The following SOHLH2 variants were observed in gnomAD, a reference collection of about 807,000 sequenced individuals.
SOHLH2 encodes spermatogenesis and oogenesis specific basic helix-loop-helix 2, also known as spermatogenesis- and oogenesis-specific basic helix-loop-helix-containing protein 2.
A neutral mutation model predicts 50.4 loss-of-function variants in SOHLH2; 22 were observed. That is an observed-to-expected ratio of 0.44 (90% CI 0.31 to 0.62). The LOEUF (loss-of-function observed/expected upper bound fraction) is 0.62. SOHLH2 is among the 20% of genes least tolerant of loss of function. SOHLH2 has a pLI of 0.08. For missense variants in SOHLH2, 412 were observed against 504.4 expected, an observed-to-expected ratio of 0.82 and a Z score of 1.76; for synonymous variants, 185 against 187.3, an observed-to-expected ratio of 0.99 and a Z score of 0.10.
At position 36,174,549 on chromosome 13, in the gene SOHLH2, T is replaced by C; in HGVS notation, c.808A>G (p.Ser270Gly). The C allele has an allele frequency of 6.2e-7, 1 of 1,614,204 alleles. No individual in the cohort carries two copies. The highest frequency in any genetic ancestry group is 8.5e-7 in the Non-Finnish European group (1 of 1,180,050). Residue 270 changes from serine (S) to glycine (G), a missense_variant, in exon 8 of 11, where the codon AGC becomes GGC. Ser to Gly is a moderately conservative substitution (Grantham distance 56). Transcript: ENST00000379881. ...VMAQITEALQ[S>G]NMRFCKKQQT... is the part of the protein sequence containing the mutation. ...TGTTTCTTACAAAACCTCATGTTGC[T>C]CTGAAGTGCTTCTGTAATCTAAAAA... is the stretch of plus-strand genomic sequence containing the variant.
intron 6 of SOHLH2, among the ~76,000 whole-genome samples, chr13:36,175,113 G>A (rs1006455650): frequency 3.3e-5 from 5 of 152,350 alleles, no homozygotes; most frequent in East Asian, 1.9e-4. Context: ...TGCACTGTGT[G>A]TGCCGATGGC....
chr13:36,172,094 AACCT>A (rs754589768), intron 9 of SOHLH2, among the ~76,000 whole-genome samples: 1 of 152,154 alleles, frequency 6.6e-6, no homozygotes, highest in Non-Finnish European at 1.5e-5. Context: ...CTAGGGTTTG[AACCT>A]ACCACAGGTC....
intron 1 of SOHLH2, among the ~76,000 whole-genome samples, chr13:36,210,121 G>C (rs9575573): frequency 6.6e-6 from 1 of 152,102 alleles, no homozygotes; most frequent in Non-Finnish European, 1.5e-5. Flanking sequence ...ATTTTCTTTA[G>C]AGAATAGTTC....
intron 5 of SOHLH2, among the ~76,000 whole-genome samples, chr13:36,191,417 G>A (rs544706580): frequency 1.7e-4 from 26 of 152,302 alleles, no homozygotes; most frequent in African/African-American, 5.3e-4. Context: ...GTGTATAACA[G>A]GTGAGGCTGC....
At chr13:36,171,920 T>C (rs781294531) in intron 9 of SOHLH2, among the ~76,000 whole-genome samples, 3 of 152,162 alleles carry the variant, frequency 2.0e-5, no homozygotes, top group Non-Finnish European at 4.4e-5. Context: ...ATTACTACTA[T>C]AGAAAAATAT....
rs558251744 is a variant in SOHLH2, at chr13:36,174,223, A to G, written c.881+253T>C. The stretch of plus-strand genomic sequence containing the variant: ...CTACACTCACAAGGGAGAAAGCCCC[A>G]TTTTAAGAACCTCAGAAATAATGAA... On this transcript the variant is annotated intron_variant, in intron 8 of 10. Coordinates refer to ENST00000379881, the MANE Select transcript of SOHLH2 (RefSeq NM_017826.3). 4.6e-5 allele frequency among the ~76,000 whole-genome samples: 7 copies of G among 152,332 alleles called. No homozygotes were observed. The East Asian group carries it at 1.4e-3, about 29-fold the overall frequency.
chr13:36,190,116 A>C, intron 5 of SOHLH2, 60 bp from the exon 6 acceptor site: 1 of 1,512,024 alleles, frequency 6.6e-7, no homozygotes, highest in Non-Finnish European at 9.0e-7. Flanking sequence ...GCAAAATTAA[A>C]TAATACGCAC....
chr13:36,185,618 T>G (rs1001521908), intron 6 of SOHLH2, among the ~76,000 whole-genome samples: 1 of 152,080 alleles, frequency 6.6e-6, no homozygotes, highest in Non-Finnish European at 1.5e-5. Flanking sequence ...TGACAAACCT[T>G]TTTTTGCTAG....
At chr13:36,205,583 T>C (rs948361466) in intron 1 of SOHLH2, among the ~76,000 whole-genome samples, 2 of 152,148 alleles carry the variant, frequency 1.3e-5, no homozygotes, top group African/African-American at 4.8e-5. Flanking sequence ...CATCACAGTA[T>C]TGCTGGGATA....
At chr13:36,173,944 G>A in intron 8 of SOHLH2, 134 bp from the exon 9 acceptor site, 3 of 1,005,166 alleles carry the variant, frequency 3.0e-6, no homozygotes, top group Non-Finnish European at 4.4e-6. Flanking sequence ...ATTTACATAT[G>A]AGCAAAGACA....
chr13:36,196,631 A>AT (rs1887740880), intron 2 of SOHLH2, among the ~76,000 whole-genome samples: 6 of 152,202 alleles, frequency 3.9e-5, no homozygotes, highest in Admixed American at 2.6e-4. Context: ...CAGTTAAATG[A>AT]TTTTTTAAAA....
chr13:36,209,271 CCTG>C (rs1232736465), intron 1 of SOHLH2, among the ~76,000 whole-genome samples: 2 of 151,666 alleles, frequency 1.3e-5, no homozygotes, highest in African/African-American at 2.4e-5. Flanking sequence ...TTTTTCATAA[CCTG>C]CTATTTTTAG....
At chr13:36,205,517 T>A (rs949209257) in intron 1 of SOHLH2, among the ~76,000 whole-genome samples, 7 of 152,224 alleles carry the variant, frequency 4.6e-5, no homozygotes, top group African/African-American at 1.4e-4. Flanking sequence ...GATTTTTTTT[T>A]AATTCTTTGA....
chr13:36,207,639 A>AT (rs1868858401), intron 1 of SOHLH2, among the ~76,000 whole-genome samples: 1 of 152,128 alleles, frequency 6.6e-6, no homozygotes, highest in Non-Finnish European at 1.5e-5. Flanking sequence ...AATTTCACCA[A>AT]TTTTTCCACT....
chr13:36,210,462 G>A (rs1377137908), intron 1 of SOHLH2, among the ~76,000 whole-genome samples: 1 of 151,862 alleles, frequency 6.6e-6, no homozygotes, highest in South Asian at 2.1e-4. Context: ...AACGTTCAGA[G>A]AGAAGTTGCT....
chr13:36,208,499 T>C (rs1265909208), intron 1 of SOHLH2, among the ~76,000 whole-genome samples: 1 of 152,198 alleles, frequency 6.6e-6, no homozygotes, highest in Non-Finnish European at 1.5e-5. Context: ...TCAATTAAGA[T>C]GTAGAGTTAA....
At chr13:36,178,816 ATT>A (rs1396952510) in intron 6 of SOHLH2, among the ~76,000 whole-genome samples, 6 of 141,556 alleles carry the variant, frequency 4.2e-5, no homozygotes, top group Non-Finnish European at 7.6e-5. Flanking sequence ...TGTACAGATC[ATT>A]TGTTTTTTTT....
intron 2 of SOHLH2, among the ~76,000 whole-genome samples, chr13:36,196,310 G>A (rs992136663): frequency 1.3e-5 from 2 of 151,892 alleles, no homozygotes; most frequent in Non-Finnish European, 2.9e-5. Context: ...ATTTTTAGTA[G>A]AGATGGGTTC....
At chr13:36,203,863 T>C (rs1330495837) in intron 1 of SOHLH2, among the ~76,000 whole-genome samples, 3 of 151,604 alleles carry the variant, frequency 2.0e-5, no homozygotes, top group Non-Finnish European at 4.4e-5. Context: ...TTTGTATTTT[T>C]CTTATTGCTT....
Sources: allele counts gnomAD v4.1 joint callset (sites outside exome capture counted in the v4.1 genomes callset), GRCh38; gene constraint gnomAD v4.1.1; transcripts MANE v1.5; gene names NCBI Gene and HGNC (gene_info 2026-07-23, HGNC 2026-07-21).